The following PI4KA variants were observed in gnomAD, a reference collection of about 807,000 sequenced individuals.
PI4KA encodes phosphatidylinositol 4-kinase alpha.
Under a neutral mutation model 271.4 loss-of-function variants are expected in PI4KA, and 122 were observed. The observed-to-expected ratio is 0.45, with a 90% CI of 0.39 to 0.52. The LOEUF is 0.52. Among genes scored for constraint, PI4KA ranks in the 20% least tolerant of loss-of-function variants. PI4KA has a pLI of 0.00. For missense variants in PI4KA, 1,969 were observed against 2,769.1 expected, an observed-to-expected ratio of 0.71 and a Z score of 6.48; for synonymous variants, 1,041 against 1,078.8, an observed-to-expected ratio of 0.96 and a Z score of 0.69.
Position 20,855,075 on chromosome 22 carries a change from C to A in PI4KA, c.156+3495G>T, listed in dbSNP as rs576457844. ...ACTGAGGCAGGAGAATCGCTTGAAC[C>A]CGGGAGGTGGAGGTTGCAGTGAACC... On this transcript the variant is annotated intron_variant, in intron 1 of 54. Coordinates refer to ENST00000255882, the MANE Select transcript of PI4KA (RefSeq NM_058004.4). Among the ~76,000 whole-genome samples, 4 of 151,594 alleles carry A rather than the reference C, an allele frequency of 2.6e-5. No homozygotes were observed. In the South Asian group the frequency reaches 6.2e-4, roughly 24 times the overall value.
intron 29 of PI4KA, among the ~76,000 whole-genome samples, chr22:20,745,163 G>A (rs1022665210): frequency 2.6e-5 from 4 of 152,208 alleles, no homozygotes; most frequent in African/African-American, 9.7e-5. Flanking sequence ...AGTCTAATGG[G>A]AAGAGACAGA....
chr22:20,786,818 A>G (rs1934272723), intron 19 of PI4KA: 3 of 1,516,884 alleles, frequency 2.0e-6, no homozygotes, highest in Admixed American at 3.3e-5. Context: ...TTGTGCTGGG[A>G]ACTCTAGCCC....
At chr22:20,749,849 C>T in intron 28 of PI4KA, 56 bp downstream of exon 28, 1 of 1,072,900 alleles carries the variant, frequency 9.3e-7, no homozygotes, top group Non-Finnish European at 1.5e-6. Context: ...CTCTGTAAAG[C>T]TTTTTTGGGA....
intron 36 of PI4KA, among the ~76,000 whole-genome samples, chr22:20,731,529 C>T (rs1928049452): frequency 6.6e-6 from 1 of 152,248 alleles, no homozygotes; most frequent in Non-Finnish European, 1.5e-5. Context: ...GGCAATGTGG[C>T]CCACACCTGT....
At chr22:20,771,074 T>G (rs1932851969) in intron 19 of PI4KA, among the ~76,000 whole-genome samples, 1 of 151,994 alleles carries the variant, frequency 6.6e-6, no homozygotes, top group Non-Finnish European at 1.5e-5. Flanking sequence ...AGACAAACCT[T>G]GAAACTGCAA....
intron 43 of PI4KA, among the ~76,000 whole-genome samples, chr22:20,719,989 G>GCA (rs1024035693): frequency 4.6e-5 from 6 of 129,476 alleles, no homozygotes; most frequent in African/African-American, 1.5e-4. Context: ...TCGTGCCACT[G>GCA]CACTCCAGCC....
intron 13 of PI4KA, among the ~76,000 whole-genome samples, chr22:20,802,440 A>G (rs1935384258): frequency 6.6e-6 from 1 of 152,320 alleles, no homozygotes; most frequent in East Asian, 1.9e-4. Context: ...TACCTCACTA[A>G]TATGTACAAA....
At chr22:20,805,846 A>G (rs985948778) in intron 10 of PI4KA, among the ~76,000 whole-genome samples, 11 of 151,968 alleles carry the variant, frequency 7.2e-5, no homozygotes, top group Admixed American at 1.3e-4. Flanking sequence ...AAAAAAAAAA[A>G]AAAGAAAGAA....
At chr22:20,712,956 G>A (rs1012230381) in intron 48 of PI4KA, 159 bp from the exon 49 acceptor site, 13 of 705,124 alleles carry the variant, frequency 1.8e-5, no homozygotes, top group African/African-American at 3.6e-5. Context: ...TCTGACCACC[G>A]GGGGCTGGAC....
chr22:20,742,877 A>G, intron 30 of PI4KA, 113 bp from the exon 31 acceptor site: 1 of 836,280 alleles, frequency 1.2e-6, no homozygotes, highest in South Asian at 1.5e-5. Context: ...TCGCTGCCCC[A>G]AAGTGGAGCT....
intron 52 of PI4KA, 33 bp downstream of exon 52, chr22:20,710,666 T>C: frequency 6.2e-7 from 1 of 1,612,690 alleles, no homozygotes; most frequent in Non-Finnish European, 8.5e-7. Flanking sequence ...ACACACCCCC[T>C]CCGCCTCCAC....
At chr22:20,783,941 T>C (rs768002837) in intron 19 of PI4KA, 1 of 1,614,036 alleles carries the variant, frequency 6.2e-7, no homozygotes, top group African/African-American at 1.3e-5. Flanking sequence ...AGGAACCTTC[T>C]CATAACAGCC....
At position 20,820,631 on chromosome 22, in the gene PI4KA, A is replaced by G. The variant is rs762943014; in HGVS notation, c.457-20T>C. 2 of 1,544,192 alleles carry G rather than the reference A, an allele frequency of 1.3e-6. No individual in the cohort carries two copies. Among genetic ancestry groups the G allele is most frequent in the Non-Finnish European group, 8.8e-7 (1 of 1,130,548 alleles). The stretch of plus-strand genomic sequence containing the variant: ...TAAAATCTGTAACAGTCAAGGAAAC[A>G]AGAAAAAAAAAACATAAACAAAATT... On this transcript the variant is annotated intron_variant, in intron 4 of 54. Transcript: ENST00000255882.
At chr22:20,811,747 C>T (rs1218746666) in intron 8 of PI4KA, among the ~76,000 whole-genome samples, 3 of 151,988 alleles carry the variant, frequency 2.0e-5, no homozygotes, top group Non-Finnish European at 2.9e-5. Context: ...GCCGTGGTGG[C>T]TCACGCCTGT....
chr22:20,765,249 G>T lies in PI4KA; in HGVS notation c.2438-13C>A. 3 of 1,591,190 alleles carry T rather than the reference G, an allele frequency of 1.9e-6. No homozygotes were observed. The highest frequency in any genetic ancestry group is 2.6e-6 in the Non-Finnish European group (3 of 1,166,330). On this transcript the variant is annotated splice_polypyrimidine_tract_variant and intron_variant, in intron 20 of 54. Transcript: ENST00000255882. ...TCTGGCCAGAGTCCTGCAATAAAGT[G>T]AACATAAATGAGGAAATCACCTTGG...
intron 19 of PI4KA, chr22:20,779,121 G>C: frequency 2.1e-6 from 3 of 1,434,062 alleles, no homozygotes; most frequent in Non-Finnish European, 2.8e-6. Flanking sequence ...CACATCAAAG[G>C]TTGGGTGTCT....
Position 20,824,381 on chromosome 22 carries a change from C to G in PI4KA, c.401G>C (p.Cys134Ser). The G allele has an allele frequency of 6.2e-7, 1 of 1,613,482 alleles. No homozygotes were observed. The change falls in exon 4 of 55, where the codon TGC (cysteine) becomes TCC (serine). Residue 134 changes from cysteine to serine, a missense_variant. Cys to Ser is a moderately radical substitution (Grantham distance 112, BLOSUM62 -1). Transcript: ENST00000255882. ...ALPVAESFSF[C>S]LVTLLSDVAY... is the part of the protein sequence containing the mutation. ...CACATCAGACAGCAGAGTTACCAAGCAGAAGCTGAAGCTCTCTGCAACCGG... is the reference window on the plus strand; with the variant it reads ...CACATCAGACAGCAGAGTTACCAAGGAGAAGCTGAAGCTCTCTGCAACCGG...
chr22:20,737,922 C>T (rs1312746133), intron 32 of PI4KA, among the ~76,000 whole-genome samples: 1 of 151,066 alleles, frequency 6.6e-6, no homozygotes, highest in Non-Finnish European at 1.5e-5. Context: ...TGAGCCACTG[C>T]GCCTGGCTGA....
At chr22:20,708,221 A>G in intron 54 of PI4KA, 123 bp from the exon 55 acceptor site, 3 of 796,918 alleles carry the variant, frequency 3.8e-6, no homozygotes, top group Non-Finnish European at 6.7e-6. Context: ...GAAGGTACAA[A>G]TGTCCCAGGC....
Sources: gnomAD v4.1 joint callset for allele counts (sites outside exome capture counted in the v4.1 genomes callset) on GRCh38, gnomAD v4.1.1 for gene constraint, MANE v1.5 for transcripts, NCBI Gene and HGNC (gene_info 2026-07-23, HGNC 2026-07-21) for gene names.